PACRG: variants seen among roughly 807,000 people sequenced by gnomAD.
PACRG encodes the protein parkin coregulated.
Under a neutral mutation model 29.7 loss-of-function variants are expected in PACRG, and 29 were observed. That is an observed-to-expected ratio of 0.98 (90% CI 0.73 to 1.33). The LOEUF is 1.33. Ranked by LOEUF, PACRG falls within the 40% of genes most tolerant of loss-of-function variation. The pLI, the probability that PACRG is intolerant of heterozygous loss-of-function variation, is 0.00. For synonymous variants in PACRG, 116 were observed against 118.7 expected, an observed-to-expected ratio of 0.98 and a Z score of 0.15; for missense variants, 279 against 316.2, an observed-to-expected ratio of 0.88 and a Z score of 0.89.
intron 2 of PACRG, among the ~76,000 whole-genome samples, chr6:162,964,855 A>G (rs2128149626): frequency 1.3e-5 from 2 of 152,356 alleles, no homozygotes; most frequent in East Asian, 3.9e-4. Flanking sequence ...ACTGGTATTT[A>G]GGGAGGGTGG....
At chr6:162,923,053 T>C (rs934037732) in intron 2 of PACRG, among the ~76,000 whole-genome samples, 2 of 152,212 alleles carry the variant, frequency 1.3e-5, no homozygotes, top group Non-Finnish European at 2.9e-5. Context: ...TTTTTTTACT[T>C]ATTGATGATA....
At position 162,913,777 on chromosome 6, in the gene PACRG, G is replaced by A. The variant is rs1227030238; in HGVS notation, c.291+99496G>A. Among the ~76,000 whole-genome samples, 3 of 152,120 alleles carry A rather than the reference G, an allele frequency of 2.0e-5. No homozygotes were observed. In the East Asian group the frequency reaches 5.8e-4, roughly 29 times the overall value. ...AGTCTAATGGATACACAGTGACTGA[G>A]CATGTCCTTGATGACTAACAATATT... On this transcript the variant is annotated intron_variant, in intron 2 of 4. Transcript: ENST00000366888.
chr6:163,078,267 G>C (rs1289239445), intron 3 of PACRG, among the ~76,000 whole-genome samples: 5 of 152,162 alleles, frequency 3.3e-5, no homozygotes, highest in Non-Finnish European at 7.4e-5. Flanking sequence ...CTGGGAGGCC[G>C]AGGTGGGTGG....
At chr6:162,935,170 C>T (rs770875313) in intron 2 of PACRG, among the ~76,000 whole-genome samples, 7 of 152,034 alleles carry the variant, frequency 4.6e-5, no homozygotes, top group Non-Finnish European at 7.4e-5. Context: ...TAGAGAGGAC[C>T]GTTTTGGGTT....
chr6:162,729,477 T>A (rs970437490), intron 1 of PACRG, among the ~76,000 whole-genome samples: 2 of 152,164 alleles, frequency 1.3e-5, no homozygotes, highest in South Asian at 4.1e-4. Context: ...TGCAAAACGA[T>A]ATCCTAATTA....
intron 2 of PACRG, among the ~76,000 whole-genome samples, chr6:162,869,383 G>A (rs967065599): frequency 6.6e-6 from 1 of 152,050 alleles, no homozygotes; most frequent in African/African-American, 2.4e-5. Flanking sequence ...AGAGTCCACG[G>A]TATATTATTA....
At chr6:163,280,413 G>A (rs572398816) in intron 4 of PACRG, among the ~76,000 whole-genome samples, 1 of 152,254 alleles carries the variant, frequency 6.6e-6, no homozygotes, top group African/African-American at 2.4e-5. Context: ...GTTATACTGT[G>A]CACCACCCCA....
chr6:163,150,964 T>C (rs746855452), intron 4 of PACRG, among the ~76,000 whole-genome samples: 1 of 152,224 alleles, frequency 6.6e-6, no homozygotes, highest in Non-Finnish European at 1.5e-5. Context: ...GTTTCTGACC[T>C]TCTTTTAAAA....
chr6:162,902,281 T>C (rs1388065298), intron 2 of PACRG, among the ~76,000 whole-genome samples: 1 of 152,202 alleles, frequency 6.6e-6, no homozygotes, highest in African/African-American at 2.4e-5. Context: ...AACTGTTAAG[T>C]AGGAAGCAAT....
At chr6:162,826,818 C>A (rs1249100721) in intron 2 of PACRG, among the ~76,000 whole-genome samples, 1 of 152,054 alleles carries the variant, frequency 6.6e-6, no homozygotes, top group Non-Finnish European at 1.5e-5. Context: ...CCTAAGGAGA[C>A]CTTTATCTTC....
In PACRG at chr6:162,907,748, A is replaced by G. The variant is rs539058591; in HGVS notation, c.291+93467A>G. ...GCGTTTACACTTGAAATAGACTCAT[A>G]AATACTATGGAAGCTATAAAACATA... On this transcript the variant is annotated intron_variant, in intron 2 of 4. Coordinates refer to ENST00000366888, the MANE Select transcript of PACRG (RefSeq NM_001080379.2). Among the ~76,000 whole-genome samples the G allele has an allele frequency of 5.9e-5, 9 of 152,290 alleles. No individual in the cohort carries two copies. The South Asian group carries it at 1.7e-3, about 28-fold the overall frequency.
intron 2 of PACRG, among the ~76,000 whole-genome samples, chr6:163,047,076 T>A (rs1487016529): frequency 2.0e-5 from 3 of 152,226 alleles, no homozygotes; most frequent in Admixed American, 6.5e-5. Flanking sequence ...GTACATTATC[T>A]TATTCAAGGA....
chr6:163,260,895 C>G (rs1003168595), intron 4 of PACRG, among the ~76,000 whole-genome samples: 1 of 152,128 alleles, frequency 6.6e-6, no homozygotes, highest in Non-Finnish European at 1.5e-5. Context: ...GGTCTCAGGA[C>G]CATGTCTGTA....
At chr6:163,288,864 A>G (rs1229306997) in intron 4 of PACRG, among the ~76,000 whole-genome samples, 1 of 152,242 alleles carries the variant, frequency 6.6e-6, no homozygotes, top group Non-Finnish European at 1.5e-5. Context: ...CACTCTAAAG[A>G]GAAATACATG....
chr6:163,204,486 CT>C (rs1299485210), intron 4 of PACRG, among the ~76,000 whole-genome samples: 9 of 152,162 alleles, frequency 5.9e-5, no homozygotes, highest in Non-Finnish European at 8.8e-5. Flanking sequence ...ATCTGTTATC[CT>C]TGTCCTCTTT....
At chr6:163,261,762 T>G (rs1354120519) in intron 4 of PACRG, among the ~76,000 whole-genome samples, 1 of 152,190 alleles carries the variant, frequency 6.6e-6, no homozygotes, top group Non-Finnish European at 1.5e-5. Context: ...CAATAAAGTA[T>G]AACAACTATT....
rs1785605498 is a variant in PACRG at position 163,315,266 on chromosome 6, T to A, written c.*279T>A. On this transcript the variant is annotated 3_prime_UTR_variant, in exon 5 of 5. Transcript: ENST00000366888. ...CTCCGACAGAAGCAGGAGTCCGAGT[T>A]AAACCTTCAGTTGTATAGACAATAA... The A allele has an allele frequency of 3.3e-6, 1 of 302,492 alleles. No individual in the cohort carries two copies. The highest frequency in any genetic ancestry group is 6.1e-6 in the Non-Finnish European group (1 of 164,582). 18.7% of individuals were successfully genotyped at this position (302,492 alleles called of 1,614,324 possible). A position where few individuals can be genotyped will look rare whatever the true frequency, so the allele number is the denominator to read the frequency against.
chr6:162,957,479 G>T (rs191460151), intron 2 of PACRG: 10 of 442,936 alleles, frequency 2.3e-5, no homozygotes, highest in Admixed American at 2.2e-4. Context: ...CACCTTCTTG[G>T]GATAAAGGTA....
At chr6:162,890,845 C>T (rs563981592) in intron 2 of PACRG, among the ~76,000 whole-genome samples, 13 of 152,274 alleles carry the variant, frequency 8.5e-5, no homozygotes, top group South Asian at 8.3e-4. Flanking sequence ...GTAACCTTCA[C>T]GACCCCCTTG....
Sources: allele counts gnomAD v4.1 joint callset (sites outside exome capture counted in the v4.1 genomes callset), GRCh38; gene constraint gnomAD v4.1.1; transcripts MANE v1.5; gene names NCBI Gene and HGNC (gene_info 2026-07-23, HGNC 2026-07-21).